Variants in PDE11A observed in about 807,000 individuals in gnomAD.
PDE11A encodes dual 3',5'-cyclic-AMP and -GMP phosphodiesterase 11A.
Under a neutral mutation model 100.5 loss-of-function variants are expected in PDE11A, and 100 were observed. The ratio of observed to expected loss-of-function variants is 1.00; its 90% CI spans 0.85 to 1.18. PDE11A has a LOEUF of 1.18. PDE11A is among the 50% of genes most tolerant of loss of function. The probability of loss-of-function intolerance (pLI) is 0.00; values close to 1 mark genes in which losing one functional copy is unlikely to be tolerated. For synonymous variants in PDE11A, 381 were observed against 420.8 expected (o/e 0.91, Z 1.16); for missense variants, 1,141 against 1,152.6 (o/e 0.99, Z 0.15).
At chr2:177,699,228 A>G (rs1472342247) in intron 14 of PDE11A, among the ~76,000 whole-genome samples, 1 of 152,202 alleles carries the variant, frequency 6.6e-6, no homozygotes, top group Non-Finnish European at 1.5e-5. Context: ...TAGGCTATAC[A>G]TCCATACATC....
intron 4 of PDE11A, among the ~76,000 whole-genome samples, chr2:177,887,420 G>C (rs2105713432): frequency 6.6e-6 from 1 of 151,446 alleles, no homozygotes; most frequent in East Asian, 2.0e-4. Context: ...TTGATTAACG[G>C]GGTCTTAGGA....
rs565541291 is a variant in PDE11A, at chr2:177,776,574, C to A, written c.1738-7201G>T. Among the ~76,000 whole-genome samples the A allele has an allele frequency of 1.2e-3, 178 of 152,176 alleles. 2 individuals are homozygous for A. The South Asian group carries it at 0.036, about 31-fold the overall frequency. ...CAATTCATTTATTGAATTTCTAATT[C>A]CCAGGACATCAGAATATGACTGTAT... On this transcript the variant is annotated intron_variant, in intron 9 of 19. Transcript: ENST00000286063.
At chr2:177,919,141 A>C (rs1028908857) in intron 2 of PDE11A, among the ~76,000 whole-genome samples, 3 of 149,934 alleles carry the variant, frequency 2.0e-5, no homozygotes, top group African/African-American at 4.9e-5. Context: ...TTTGTTGCCC[A>C]GGCTGGAGTG....
chr2:177,637,997 ATTTTTTT>A (rs10556235), intron 19 of PDE11A, among the ~76,000 whole-genome samples: 3 of 106,522 alleles, frequency 2.8e-5, no homozygotes, highest in African/African-American at 8.1e-5. Flanking sequence ...ATATATATAT[ATTTTTTT>A]TTTTTTTTTT....
At chr2:177,726,822 T>C (rs1159913477) in intron 12 of PDE11A, among the ~76,000 whole-genome samples, 1 of 150,994 alleles carries the variant, frequency 6.6e-6, no homozygotes, top group Admixed American at 6.6e-5. Flanking sequence ...ACTCACATTC[T>C]TTTTTTTTGT....
At chr2:177,890,693 T>C (rs533765861) in intron 4 of PDE11A, among the ~76,000 whole-genome samples, 1 of 152,134 alleles carries the variant, frequency 6.6e-6, no homozygotes, top group Non-Finnish European at 1.5e-5. Context: ...ACCCTGACTT[T>C]TAAGTTTGTT....
chr2:177,811,918 C>T (rs1371884191), intron 9 of PDE11A, among the ~76,000 whole-genome samples: 1 of 152,142 alleles, frequency 6.6e-6, no homozygotes, highest in African/African-American at 2.4e-5. Flanking sequence ...AATCTGTTTT[C>T]AGCTCTGACT....
At chr2:178,046,159 T>C (rs1009404855) in intron 1 of PDE11A, among the ~76,000 whole-genome samples, 11 of 152,342 alleles carry the variant, frequency 7.2e-5, no homozygotes, top group Admixed American at 6.5e-4. Flanking sequence ...CCACAGTGCC[T>C]ACTGCATAAC....
chr2:177,950,843 G>A (rs1263632327), intron 2 of PDE11A, among the ~76,000 whole-genome samples: 3 of 152,152 alleles, frequency 2.0e-5, no homozygotes, highest in African/African-American at 4.8e-5. Context: ...CCCGGGAGGC[G>A]GAGCTTGCAG....
chr2:177,659,378 G>C (rs2080441941), intron 19 of PDE11A, among the ~76,000 whole-genome samples: 1 of 151,586 alleles, frequency 6.6e-6, no homozygotes, highest in Non-Finnish European at 1.5e-5. Context: ...TTTTAATAGA[G>C]AGGCACTACC....
At chr2:177,762,940 G>T (rs909203327) in intron 10 of PDE11A, among the ~76,000 whole-genome samples, 1 of 152,072 alleles carries the variant, frequency 6.6e-6, no homozygotes, top group Non-Finnish European at 1.5e-5. Context: ...TGCAGATCTG[G>T]TTCCCCTCAT....
intron 19 of PDE11A, among the ~76,000 whole-genome samples, chr2:177,644,738 T>C (rs12611503): frequency 0.59 from 89,053 of 152,086 alleles, 30,516 homozygotes; most frequent in Non-Finnish European, 0.73. Flanking sequence ...AATCTCATCT[T>C]GAATTGTAAC....
intron 2 of PDE11A, among the ~76,000 whole-genome samples, chr2:177,947,497 T>C (rs540794223): frequency 6.6e-6 from 1 of 152,364 alleles, no homozygotes; most frequent in East Asian, 1.9e-4. Context: ...AAACATGTGC[T>C]GTGTCCACTC....
intron 4 of PDE11A, among the ~76,000 whole-genome samples, chr2:177,890,101 G>A (rs2084506294): frequency 6.6e-6 from 1 of 152,172 alleles, no homozygotes; most frequent in African/African-American, 2.4e-5. Flanking sequence ...AGCCATTTCA[G>A]CTTCTGCCTG....
chr2:177,939,640 T>C (rs1574293722), intron 2 of PDE11A, among the ~76,000 whole-genome samples: 1 of 152,108 alleles, frequency 6.6e-6, no homozygotes, highest in African/African-American at 2.4e-5. Context: ...CAGAAATAGA[T>C]AGTTACAGAG....
upstream of PDE11A, among the ~76,000 whole-genome samples, chr2:178,076,788 G>A (rs1364533318): frequency 1.3e-5 from 2 of 152,176 alleles, no homozygotes; most frequent in East Asian, 3.9e-4. Context: ...TCTTTCACTT[G>A]GTATTGGCTG....
At chr2:177,653,111 A>G (rs956459259) in intron 19 of PDE11A, among the ~76,000 whole-genome samples, 2 of 152,220 alleles carry the variant, frequency 1.3e-5, no homozygotes, top group Admixed American at 6.5e-5. Context: ...ATGAAGTGCA[A>G]GTCCATGCAG....
chr2:177,786,759 G>A (rs1308701098), intron 9 of PDE11A, among the ~76,000 whole-genome samples: 5 of 152,254 alleles, frequency 3.3e-5, no homozygotes, highest in South Asian at 4.2e-4. Flanking sequence ...CTCAGGAGCC[G>A]ATGCGATCAA....
chr2:178,005,801 T>G (rs1225083343), intron 2 of PDE11A, among the ~76,000 whole-genome samples: 1 of 152,224 alleles, frequency 6.6e-6, no homozygotes, highest in African/African-American at 2.4e-5. Context: ...GTAACAGCCC[T>G]ATAACTTACT....
Sources: gnomAD v4.1 joint callset for allele counts (sites outside exome capture counted in the v4.1 genomes callset) on GRCh38, gnomAD v4.1.1 for gene constraint, MANE v1.5 for transcripts, NCBI Gene and HGNC (gene_info 2026-07-23, HGNC 2026-07-21) for gene names.